Variants in SOX7 observed in about 807,000 individuals in gnomAD.
The protein encoded by SOX7 is transcription factor SOX-7.
Under a neutral mutation model 24.9 loss-of-function variants are expected in SOX7, and 19 were observed. That is an observed-to-expected ratio of 0.76 (90% confidence interval 0.53 to 1.12). The LOEUF is 1.12. Ranked by LOEUF, SOX7 falls within the 50% of genes most tolerant of loss-of-function variation. SOX7 has a pLI of 0.00. For synonymous variants in SOX7, 327 were observed against 244.5 expected (o/e 1.34, Z -3.15); for missense variants, 702 against 535.0 (o/e 1.31, Z -3.08).
At position 10,725,964 on chromosome 8, in the gene SOX7, G is replaced by T; in HGVS notation, c.941C>A (p.Ala314Asp). The T allele has an allele frequency of 6.2e-7, 1 of 1,610,962 alleles. No homozygotes were observed. Among genetic ancestry groups the T allele is most frequent in the South Asian group, 1.1e-5 (1 of 90,782 alleles). ...SPPPEHPGFD[A>D]LDQLSQVELL... ...TTCCACCTGGCTCAGTTGATCCAGGGCGTCGAAGCCAGGGTGCTCAGGAGG... is the reference window on the plus strand; with the variant it reads ...TTCCACCTGGCTCAGTTGATCCAGGTCGTCGAAGCCAGGGTGCTCAGGAGG... Residue 314 changes from alanine to aspartate, a missense_variant, in exon 2 of 2, where the codon GCC becomes GAC. Coordinates refer to ENST00000304501, the MANE Select transcript of SOX7 (RefSeq NM_031439.4).
Position 10,724,126 on chromosome 8 carries a change from T to G in SOX7, c.*1612A>C, listed in dbSNP as rs1402263962. ...AACATATTTCATACAGGAAATAATA[T>G]GCTAAAATCAAAAAACCAACAACTG... On this transcript the variant is annotated 3_prime_UTR_variant, in exon 2 of 2. Coordinates refer to ENST00000304501, the MANE Select transcript of SOX7 (RefSeq NM_031439.4). 2.6e-5 allele frequency: 4 copies of G among 152,186 alleles called. No individual in the cohort carries two copies. Among genetic ancestry groups the G allele is most frequent in the Non-Finnish European group, 5.9e-5 (4 of 68,032 alleles). The allele number at this position is 152,186 out of a possible 1,614,324, so 9.4% of individuals were successfully genotyped here. A position where few individuals can be genotyped will look rare whatever the true frequency, so the allele number is the denominator to read the frequency against.
Position 10,726,042 on chromosome 8 carries a change from G to T in SOX7, c.863C>A (p.Thr288Asn). Residue 288 changes from threonine (T) to asparagine (N), a missense_variant, in exon 2 of 2, where the codon ACC (threonine) becomes AAC (asparagine). Coordinates refer to ENST00000304501, the MANE Select transcript of SOX7 (RefSeq NM_031439.4). ...PPSPAYYSPA[T>N]YHPLHSNLQA... is the part of the protein sequence containing the mutation. ...GAGGTTGGAGTGGAGTGGGTGGTAG[G>T]TGGCCGGGGAGTAATAGGCAGGAGA... 6.4e-7 allele frequency: 1 copy of T among 1,572,198 alleles called. No individual in the cohort carries two copies. The highest frequency in any genetic ancestry group is 8.6e-7 in the Non-Finnish European group (1 of 1,158,192).
intron 1 of SOX7, among the ~76,000 whole-genome samples, chr8:10,728,400 A>G (rs1443701117): frequency 6.6e-6 from 1 of 152,214 alleles, no homozygotes; most frequent in African/African-American, 2.4e-5. Context: ...CTCTCAGGTC[A>G]GAAAGGAAAG....
chr8:10,726,764 C>T, intron 1 of SOX7, 98 bp from the exon 2 acceptor site: 1 of 1,102,038 alleles, frequency 9.1e-7, no homozygotes, highest in Non-Finnish European at 1.3e-6. Context: ...GCACACACAC[C>T]TCCCTTCCCC....
In SOX7 at chr8:10,730,438, G is replaced by T. The variant is rs754029549; in HGVS notation, c.-5C>A. 3.4e-6 allele frequency: 5 copies of T among 1,462,476 alleles called. No homozygotes were observed. Among genetic ancestry groups the T allele is most frequent in the Admixed American group, 2.9e-5 (1 of 33,994 alleles). 90.6% of individuals were successfully genotyped at this position (1,462,476 alleles called of 1,614,324 possible). ...GGCTCCCAGCAGCGAAGCCATGGCC[G>T]CACGCGGGTCGCCTCGCTTCGCCTG... On this transcript the variant is annotated 5_prime_UTR_variant, in exon 1 of 2. Coordinates refer to ENST00000304501, the MANE Select transcript of SOX7 (RefSeq NM_031439.4). This position sits in a 1 kb window ranked among gnomAD's most constrained non-coding sequence, Gnocchi z 4.8.
chr8:10,727,397 C>G (rs947233470), intron 1 of SOX7, among the ~76,000 whole-genome samples: 5 of 152,152 alleles, frequency 3.3e-5, no homozygotes, highest in Non-Finnish European at 7.3e-5. Context: ...TTTTGGGGAC[C>G]CTTGACGGTG....
chr8:10,726,197 G>C lies in SOX7; in HGVS notation c.708C>G (p.His236Gln), dbSNP rs757656651. The stretch of plus-strand genomic sequence containing the variant: ...CCGGTGAGTACGGGTGCCCTGGCAG[G>C]TGGGGGATGCGGCGGGGATGGCCAT... Reference protein sequence around the residue: ...EEHGHPRRIPHLPGHPYSPEY... With the variant: ...EEHGHPRRIPQLPGHPYSPEY... The change falls in exon 2 of 2, where the codon CAC becomes CAG. Residue 236 changes from histidine to glutamine, a missense_variant. Transcript: ENST00000304501. 6.2e-7 allele frequency: 1 copy of C among 1,612,990 alleles called. No homozygotes were observed. The highest frequency in any genetic ancestry group is 1.3e-5 in the African/African-American group (1 of 74,896).
chr8:10,728,158 C>G (rs1800191159), intron 1 of SOX7, among the ~76,000 whole-genome samples: 1 of 152,232 alleles, frequency 6.6e-6, no homozygotes, highest in Non-Finnish European at 1.5e-5. Flanking sequence ...ACCCCATACT[C>G]TGTCTGTGGT....
chr8:10,730,401 G>A lies in SOX7; in HGVS notation c.33C>T (p.Pro11=), dbSNP rs932590022. The A allele has an allele frequency of 1.3e-6, 2 of 1,506,386 alleles. No homozygotes were observed. Among genetic ancestry groups the A allele is most frequent in the African/African-American group, 1.5e-5 (1 of 67,664 alleles). 93.3% of individuals were successfully genotyped at this position (1,506,386 alleles called of 1,614,324 possible). A position where few individuals can be genotyped will look rare whatever the true frequency, so the allele number is the denominator to read the frequency against. ...CCAGGGCCGGGCACTCGAGACCCTC[G>A]GGCCAAGGGTAGGCTCCCAGCAGCG... MASLLGAYPW[P]EGLECPALDA... The change falls in exon 1 of 2, where the codon CCC becomes CCT. Residue 11 remains proline, a synonymous_variant. Coordinates refer to ENST00000304501, the MANE Select transcript of SOX7 (RefSeq NM_031439.4). This position sits in a 1 kb window ranked among gnomAD's most constrained non-coding sequence, Gnocchi z 4.8.
rs1306901961 is a variant in SOX7 at position 10,724,015 on chromosome 8, G to T, written c.*1723C>A. On this transcript the variant is annotated 3_prime_UTR_variant, in exon 2 of 2. Transcript: ENST00000304501. ...TAAAGAGTAATCATACCTTATAAGT[G>T]ATTTTACAATAGGACATCTTAGAAG... is the stretch of plus-strand genomic sequence containing the variant. 6.6e-6 allele frequency: 1 copy of T among 152,262 alleles called. No homozygotes were observed. Among genetic ancestry groups the T allele is most frequent in the African/African-American group, 2.4e-5 (1 of 41,418 alleles). 9.4% of individuals were successfully genotyped at this position (152,262 alleles called of 1,614,324 possible).
Position 10,730,141 on chromosome 8 carries a change from A to AGCCGCCC in SOX7, c.238+48_238+54dup, listed in dbSNP as rs534625650. ...CTCGCACCCGCCCTGCAGTGCCGCC[A>AGCCGCCC]GCCGCCCGCCGCCCGCCCCCGGCCC... On this transcript the variant is annotated intron_variant, in intron 1 of 1. Transcript: ENST00000304501. The surrounding 1 kb of genome is among the most constrained non-coding windows in gnomAD (Gnocchi z 4.8). The AGCCGCCC allele has an allele frequency of 2.7e-4, 352 of 1,298,862 alleles. No homozygotes were observed. The African/African-American group carries it at 5.0e-3, about 18-fold the overall frequency. 80.5% of individuals were successfully genotyped at this position (1,298,862 alleles called of 1,614,324 possible). A position where few individuals can be genotyped will look rare whatever the true frequency, so the allele number is the denominator to read the frequency against.
In SOX7 at chr8:10,725,565, G is replaced by A. The variant is rs1320612403; in HGVS notation, c.*173C>T. 4 of 637,870 alleles carry A rather than the reference G, an allele frequency of 6.3e-6. No homozygotes were observed. The highest frequency in any genetic ancestry group is 1.1e-5 in the Non-Finnish European group (4 of 369,024). The allele number at this position is 637,870 out of a possible 1,614,324, so 39.5% of individuals were successfully genotyped here. On this transcript the variant is annotated 3_prime_UTR_variant, in exon 2 of 2. Coordinates refer to ENST00000304501, the MANE Select transcript of SOX7 (RefSeq NM_031439.4). ...GCTGGAACGTGGGGAAGGGGATAGAGGCGGCACTCGGATAAGGAGAGTCCA... is the reference window on the plus strand; with the variant it reads ...GCTGGAACGTGGGGAAGGGGATAGAAGCGGCACTCGGATAAGGAGAGTCCA...
At position 10,730,144 on chromosome 8, in the gene SOX7, C is replaced by T. The variant is rs527769142; in HGVS notation, c.238+52G>A. 6.9e-5 allele frequency: 90 copies of T among 1,303,432 alleles called. No homozygotes were observed. In the African/African-American group the frequency reaches 1.2e-3, roughly 17 times the overall value. The allele number at this position is 1,303,432 out of a possible 1,614,324, so 80.7% of individuals were successfully genotyped here. A position where few individuals can be genotyped will look rare whatever the true frequency, so the allele number is the denominator to read the frequency against. The stretch of plus-strand genomic sequence containing the variant: ...GCACCCGCCCTGCAGTGCCGCCAGC[C>T]GCCCGCCGCCCGCCCCCGGCCCCCA... On this transcript the variant is annotated intron_variant, in intron 1 of 1. Coordinates refer to ENST00000304501, the MANE Select transcript of SOX7 (RefSeq NM_031439.4). The surrounding 1 kb of genome is among the most constrained non-coding windows in gnomAD (Gnocchi z 4.8).
chr8:10,730,118 C>T lies in SOX7; in HGVS notation c.238+78G>A, dbSNP rs1422505666. On this transcript the variant is annotated intron_variant, in intron 1 of 1. Coordinates refer to ENST00000304501, the MANE Select transcript of SOX7 (RefSeq NM_031439.4). This position sits in a 1 kb window ranked among gnomAD's most constrained non-coding sequence, Gnocchi z 4.8. Reference sequence around the variant, plus strand: ...CCGGGTCTTCCCCAGGCTCCGCGCTCGCACCCGCCCTGCAGTGCCGCCAGC... The same window carrying T: ...CCGGGTCTTCCCCAGGCTCCGCGCTTGCACCCGCCCTGCAGTGCCGCCAGC... The T allele has an allele frequency of 2.7e-6, 3 of 1,115,014 alleles. No homozygotes were observed. The highest frequency in any genetic ancestry group is 3.5e-6 in the Non-Finnish European group (3 of 865,780). 69.1% of individuals were successfully genotyped at this position (1,115,014 alleles called of 1,614,324 possible).
In SOX7 at chr8:10,725,474, C is replaced by A. The variant is rs1349021082; in HGVS notation, c.*264G>T. 1 of 525,140 alleles carries A rather than the reference C, an allele frequency of 1.9e-6. No individual in the cohort carries two copies. Among genetic ancestry groups the A allele is most frequent in the Non-Finnish European group, 3.4e-6 (1 of 294,908 alleles). 32.5% of individuals were successfully genotyped at this position (525,140 alleles called of 1,614,324 possible). ...CGTCAGTGAACATTCCACTGGGAGA[C>A]AGCAACTCTCAGGGGCTGGAGGAAA... On this transcript the variant is annotated 3_prime_UTR_variant, in exon 2 of 2. Coordinates refer to ENST00000304501, the MANE Select transcript of SOX7 (RefSeq NM_031439.4).
chr8:10,727,970 T>C (rs146400004), intron 1 of SOX7, among the ~76,000 whole-genome samples: 271 of 152,352 alleles, frequency 1.8e-3, no homozygotes, highest in African/African-American at 5.7e-3. Context: ...ATTAAGGGCA[T>C]TGTACCAATT....
chr8:10,730,337 G>C lies in SOX7; in HGVS notation c.97C>G (p.Pro33Ala). 6.4e-7 allele frequency: 1 copy of C among 1,568,182 alleles called. No individual in the cohort carries two copies. Among genetic ancestry groups the C allele is most frequent in the Non-Finnish European group, 8.6e-7 (1 of 1,161,158 alleles). Residue 33 changes from proline (P) to alanine (A), a missense_variant, in exon 1 of 2, where the codon CCC becomes GCC. Transcript: ENST00000304501. The surrounding 1 kb of genome is among the most constrained non-coding windows in gnomAD (Gnocchi z 4.8). ...GAGCCCTTGTCCCCCGGGGGCCGGG[G>C]GACGGCCGGCGGCGATTGTCCATCC... ...LSDGQSPPAV[P>A]RPPGDKGSES...
chr8:10,726,494 G>A lies in SOX7; in HGVS notation c.411C>T (p.Ser137=). The A allele has an allele frequency of 6.2e-7, 1 of 1,612,504 alleles. No homozygotes were observed. Among genetic ancestry groups the A allele is most frequent in the South Asian group, 1.1e-5 (1 of 91,082 alleles). Residue 137 remains serine (S), a synonymous_variant, in exon 2 of 2, where the codon TCC becomes TCT. Coordinates refer to ENST00000304501, the MANE Select transcript of SOX7 (RefSeq NM_031439.4). ...KRVDPGFLLS[S]LSRDQNALPE... ...GCAGGGCGTTCTGGTCCCGGGAGAGGGAGCTCAGAAGGAAGCCCGGGTCCA... is the reference window on the plus strand; with the variant it reads ...GCAGGGCGTTCTGGTCCCGGGAGAGAGAGCTCAGAAGGAAGCCCGGGTCCA...
chr8:10,727,019 C>T (rs1372020548), intron 1 of SOX7, among the ~76,000 whole-genome samples: 2 of 152,190 alleles, frequency 1.3e-5, no homozygotes, highest in Non-Finnish European at 2.9e-5. Flanking sequence ...CTAATGATCA[C>T]GATATTGATT....
Sources: allele counts gnomAD v4.1 joint callset (sites outside exome capture counted in the v4.1 genomes callset), GRCh38; gene constraint gnomAD v4.1.1; non-coding constraint Gnocchi (gnomAD v3.1); transcripts MANE v1.5; gene names NCBI Gene and HGNC (gene_info 2026-07-23, HGNC 2026-07-21).